Variants in TOX2 observed in about 807,000 individuals in gnomAD.
The protein encoded by TOX2 is TOX high mobility group box family member 2.
Under a neutral mutation model 47.4 loss-of-function variants are expected in TOX2, and 15 were observed. That is an observed-to-expected ratio of 0.32 (90% CI 0.21 to 0.49). TOX2 has a LOEUF of 0.49. Ranked by LOEUF, TOX2 falls within the 20% of genes least tolerant of loss-of-function variation. The pLI, the probability that TOX2 is intolerant of heterozygous loss-of-function variation, is 0.99. For synonymous variants in TOX2, 290 were observed against 296.6 expected, an observed-to-expected ratio of 0.98 and a Z score of 0.23; for missense variants, 622 against 673.1, an observed-to-expected ratio of 0.92 and a Z score of 0.84.
At chr20:44,021,191 C>T (rs1367119398) in intron 3 of TOX2, among the ~76,000 whole-genome samples, 1 of 152,092 alleles carries the variant, frequency 6.6e-6, no homozygotes, top group Non-Finnish European at 1.5e-5. Context: ...CAAAATTCCT[C>T]CCACTGCTTA....
intron 2 of TOX2, among the ~76,000 whole-genome samples, chr20:43,982,596 G>A (rs1283781311): frequency 6.6e-6 from 1 of 151,926 alleles, no homozygotes; most frequent in African/African-American, 2.4e-5. Flanking sequence ...GGCCTGGTAT[G>A]CCTGGGGAGC....
In TOX2 at chr20:43,954,472, T is replaced by G. The variant is rs111862421; in HGVS notation, c.100-18895T>G. 1.6e-3 allele frequency among the ~76,000 whole-genome samples: 238 copies of G among 152,324 alleles called. 2 individuals carry two copies. Among genetic ancestry groups the G allele is most frequent in the African/African-American group, 5.2e-3 (218 of 41,568 alleles). On this transcript the variant is annotated intron_variant, in intron 1 of 8. Coordinates refer to ENST00000341197, the MANE Select transcript of TOX2 (RefSeq NM_001098797.2). ...GCAGGGGCTGGGACTGTGTCTACCT[T>G]GCTTCTCGTTGTGTCCCAGCCCCCA...
At chr20:43,961,491 A>G (rs2069756569) in intron 1 of TOX2, among the ~76,000 whole-genome samples, 1 of 152,146 alleles carries the variant, frequency 6.6e-6, no homozygotes, top group South Asian at 2.1e-4. Context: ...CTTACCCATC[A>G]TGGTCCCCAC....
At chr20:44,055,647 A>C (rs1290156133) in intron 5 of TOX2, among the ~76,000 whole-genome samples, 3 of 152,182 alleles carry the variant, frequency 2.0e-5, no homozygotes, top group Non-Finnish European at 4.4e-5. Context: ...GAGAGACTGG[A>C]ACGGCAGCAT....
chr20:44,051,357 G>C lies in TOX2; in HGVS notation c.463G>C (p.Gly155Arg), dbSNP rs759864213. ...GGCTGCCTATGACTCGGGCCGGCCC[G>C]GGCCCCTGCTGGGTCGCCCGGCAAT... ...EVAAYDSGRP[G>R]PLLGRPAMLA... Residue 155 changes from glycine to arginine, a missense_variant, in exon 4 of 9, where the codon GGG becomes CGG. Coordinates refer to ENST00000341197, the MANE Select transcript of TOX2 (RefSeq NM_001098797.2). 1 of 1,613,604 alleles carries C rather than the reference G, an allele frequency of 6.2e-7. No individual in the cohort carries two copies. Among genetic ancestry groups the C allele is most frequent in the Non-Finnish European group, 8.5e-7 (1 of 1,179,702 alleles).
intron 2 of TOX2, among the ~76,000 whole-genome samples, chr20:43,995,847 C>A (rs1212588547): frequency 6.6e-6 from 1 of 152,146 alleles, no homozygotes; most frequent in Non-Finnish European, 1.5e-5. Context: ...TGATGTCATT[C>A]TTTTTTATGA....
At chr20:43,966,722 C>A (rs1450201703) in intron 1 of TOX2, among the ~76,000 whole-genome samples, 1 of 150,656 alleles carries the variant, frequency 6.6e-6, no homozygotes, top group South Asian at 2.1e-4. Context: ...CCATTTCACT[C>A]CAGCCTGGGC....
At chr20:43,989,396 G>A (rs2070328977) in intron 2 of TOX2, among the ~76,000 whole-genome samples, 1 of 152,168 alleles carries the variant, frequency 6.6e-6, no homozygotes, top group African/African-American at 2.4e-5. Flanking sequence ...CACACATGCG[G>A]GAGCCCAGTC....
At chr20:43,927,994 G>A (rs936125347) in intron 1 of TOX2, among the ~76,000 whole-genome samples, 14 of 152,158 alleles carry the variant, frequency 9.2e-5, no homozygotes, top group Non-Finnish European at 1.5e-4. Context: ...GGGAGTGTGG[G>A]ACCACCAGGC....
intron 3 of TOX2, among the ~76,000 whole-genome samples, chr20:44,034,479 A>G (rs1348667491): frequency 6.6e-6 from 1 of 152,224 alleles, no homozygotes; most frequent in Non-Finnish European, 1.5e-5. Flanking sequence ...GAGTACCAGG[A>G]GCAGCATGGA....
chr20:43,979,261 G>A (rs534094524), intron 2 of TOX2, among the ~76,000 whole-genome samples: 1 of 152,216 alleles, frequency 6.6e-6, no homozygotes, highest in South Asian at 2.1e-4. Context: ...AACCTTGGGA[G>A]TGAAGGAGAT....
chr20:44,028,087 C>T (rs1025188881), intron 3 of TOX2, among the ~76,000 whole-genome samples: 4 of 152,156 alleles, frequency 2.6e-5, no homozygotes, highest in African/African-American at 7.2e-5. Context: ...GCCGAAGGTA[C>T]GACTAACAGC....
At chr20:43,976,789 C>CACAT (rs974609346) in intron 2 of TOX2, among the ~76,000 whole-genome samples, 7 of 151,838 alleles carry the variant, frequency 4.6e-5, no homozygotes, top group South Asian at 2.1e-4. Flanking sequence ...CGCGCACACA[C>CACAT]ACACACACAC....
intron 2 of TOX2, among the ~76,000 whole-genome samples, chr20:43,997,979 C>T (rs1453153357): frequency 6.6e-6 from 1 of 152,076 alleles, no homozygotes; most frequent in Non-Finnish European, 1.5e-5. Flanking sequence ...TAGAAAACTA[C>T]CTGAGACTGG....
At chr20:43,983,120 G>T (rs539989997) in intron 2 of TOX2, among the ~76,000 whole-genome samples, 1 of 152,040 alleles carries the variant, frequency 6.6e-6, no homozygotes, top group East Asian at 2.0e-4. Flanking sequence ...GCAGCACCCA[G>T]TGTGGCCCCT....
intron 1 of TOX2, among the ~76,000 whole-genome samples, chr20:43,917,296 C>T (rs1187128042): frequency 2.6e-5 from 4 of 152,088 alleles, no homozygotes; most frequent in African/African-American, 9.7e-5. Flanking sequence ...TCAGGAACTC[C>T]CCTTTTCTGG....
intron 3 of TOX2, among the ~76,000 whole-genome samples, chr20:44,021,782 CCAT>C (rs2070979744): frequency 6.7e-6 from 1 of 150,028 alleles, no homozygotes; most frequent in Non-Finnish European, 1.5e-5. Context: ...ACACACACCA[CCAT>C]GTCTGGCTAA....
At chr20:44,009,967 C>T (rs1161483422) in intron 3 of TOX2, among the ~76,000 whole-genome samples, 3 of 152,104 alleles carry the variant, frequency 2.0e-5, no homozygotes, top group Non-Finnish European at 4.4e-5. Context: ...TTTGAAGCCT[C>T]GGTTTCCTTG....
chr20:44,059,637 G>A (rs375704583), intron 5 of TOX2, among the ~76,000 whole-genome samples: 4 of 152,204 alleles, frequency 2.6e-5, no homozygotes, highest in South Asian at 4.2e-4. Flanking sequence ...CTCCTTAAAC[G>A]ATTAGCCAAG....
Sources: allele counts gnomAD v4.1 joint callset (sites outside exome capture counted in the v4.1 genomes callset), GRCh38; gene constraint gnomAD v4.1.1; transcripts MANE v1.5; gene names NCBI Gene and HGNC (gene_info 2026-07-23, HGNC 2026-07-21).